Variants in DENND5A observed in about 807,000 individuals in gnomAD.
DENND5A encodes the protein DENN domain containing 5A.
Under a neutral mutation model 140.3 loss-of-function variants are expected in DENND5A, and 64 were observed. That is an observed-to-expected ratio of 0.46 (90% CI 0.37 to 0.56). The LOEUF (loss-of-function observed/expected upper bound fraction) is 0.56. DENND5A is among the 20% of genes least tolerant of loss of function. The pLI, the probability that DENND5A is intolerant of heterozygous loss-of-function variation, is 0.00. For synonymous variants in DENND5A, 605 were observed against 607.7 expected (o/e 1.00, Z 0.07); for missense variants, 1,292 against 1,593.8 (o/e 0.81, Z 3.22).
Position 9,165,853 on chromosome 11 carries a change from T to G in DENND5A, c.2266A>C (p.Lys756Gln). 7 of 1,614,092 alleles carry G rather than the reference T, an allele frequency of 4.3e-6. No homozygotes were observed. Among genetic ancestry groups the G allele is most frequent in the Non-Finnish European group, 5.9e-6 (7 of 1,179,960 alleles). ...CAGCTTACCTTATTGCGGCATTCCT[T>G]CAGCAGGCCCTCTACAAACTTCCAA... Reference protein sequence around the residue: ...TNWKFVEGLLKECRNKTKRML... With the variant: ...TNWKFVEGLLQECRNKTKRML... The change falls in exon 11 of 23, where the codon AAG becomes CAG. Residue 756 changes from lysine to glutamine, a missense_variant. Around this residue, in one of 4 missense-constraint regions of DENND5A, gnomAD observed 498 missense variants for 689.7 expected, o/e 0.72. Transcript: ENST00000328194.
chr11:9,228,785 T>C (rs1445685223), intron 1 of DENND5A, among the ~76,000 whole-genome samples: 1 of 151,896 alleles, frequency 6.6e-6, no homozygotes, highest in Admixed American at 6.6e-5. Context: ...ACTTAAGTAT[T>C]GCAGAATGGT....
At chr11:9,150,483 C>A (rs1248107609) in intron 14 of DENND5A, among the ~76,000 whole-genome samples, 197 bp downstream of exon 14, 1 of 152,184 alleles carries the variant, frequency 6.6e-6, no homozygotes, top group African/African-American at 2.4e-5. Flanking sequence ...TCCCTCACCT[C>A]CAAAAATGCC....
chr11:9,150,003 C>T, intron 15 of DENND5A, 78 bp downstream of exon 15: 1 of 1,534,262 alleles, frequency 6.5e-7, no homozygotes, highest in Non-Finnish European at 8.8e-7. Flanking sequence ...ACTGAATACT[C>T]CCCCTTCCCA....
intron 1 of DENND5A, among the ~76,000 whole-genome samples, chr11:9,211,661 T>C (rs1849882885): frequency 1.3e-5 from 2 of 152,038 alleles, no homozygotes. Flanking sequence ...AGGCCAGACA[T>C]GGTGGCTCAC....
intron 12 of DENND5A, among the ~76,000 whole-genome samples, chr11:9,152,773 G>A (rs1380162676): frequency 6.6e-6 from 1 of 151,956 alleles, no homozygotes; most frequent in Non-Finnish European, 1.5e-5. Context: ...GGAAGCCGAG[G>A]CGGGCAGATC....
intron 3 of DENND5A, among the ~76,000 whole-genome samples, 170 bp downstream of exon 3, chr11:9,206,503 A>G (rs1452363264): frequency 6.6e-6 from 1 of 152,202 alleles, no homozygotes; most frequent in Non-Finnish European, 1.5e-5. Context: ...ATATATTCTG[A>G]ATATTTGGTA....
chr11:9,214,236 T>C (rs543748730), intron 1 of DENND5A, among the ~76,000 whole-genome samples: 85 of 152,238 alleles, frequency 5.6e-4, no homozygotes, highest in Non-Finnish European at 5.1e-4. Flanking sequence ...CCAGGTTGTT[T>C]TGTCTTCAAC....
intron 1 of DENND5A, among the ~76,000 whole-genome samples, chr11:9,230,317 T>C (rs1361851071): frequency 7.8e-6 from 1 of 128,386 alleles, no homozygotes; most frequent in African/African-American, 3.0e-5. Context: ...CAGAGCTCAC[T>C]ACAATCTCAA....
At chr11:9,222,000 G>T (rs896187854) in intron 1 of DENND5A, among the ~76,000 whole-genome samples, 4 of 151,768 alleles carry the variant, frequency 2.6e-5, no homozygotes, top group Non-Finnish European at 5.9e-5. Context: ...CTCATGATCC[G>T]CCCACCTTGG....
chr11:9,259,646 G>A (rs1215382033), intron 1 of DENND5A, among the ~76,000 whole-genome samples: 1 of 152,068 alleles, frequency 6.6e-6, no homozygotes, highest in Admixed American at 6.6e-5. Context: ...CTGGACCCAA[G>A]CATCATCCTG....
At chr11:9,249,840 G>A (rs184639699) in intron 1 of DENND5A, among the ~76,000 whole-genome samples, 22 of 152,040 alleles carry the variant, frequency 1.4e-4, no homozygotes, top group Admixed American at 3.9e-4. Context: ...ATGAGCCACC[G>A]TGCCCGGCCT....
chr11:9,154,752 T>G (rs1405154957), intron 12 of DENND5A, among the ~76,000 whole-genome samples: 2 of 151,890 alleles, frequency 1.3e-5, no homozygotes, highest in Non-Finnish European at 2.9e-5. Context: ...CTAACAACAT[T>G]AATGAGACTT....
At chr11:9,228,000 C>G (rs1045632172) in intron 1 of DENND5A, among the ~76,000 whole-genome samples, 86 of 149,020 alleles carry the variant, frequency 5.8e-4, no homozygotes, top group African/African-American at 2.1e-3. Flanking sequence ...GTAATCCCAG[C>G]TACTTGGGAG....
At chr11:9,250,335 C>T (rs1851667988) in intron 1 of DENND5A, among the ~76,000 whole-genome samples, 2 of 151,700 alleles carry the variant, frequency 1.3e-5, no homozygotes, top group South Asian at 4.2e-4. Flanking sequence ...AAAACATTTC[C>T]AGAACTGATA....
chr11:9,173,532 T>C (rs1848443369), intron 8 of DENND5A, among the ~76,000 whole-genome samples: 1 of 152,200 alleles, frequency 6.6e-6, no homozygotes, highest in African/African-American at 2.4e-5. Flanking sequence ...CTTTTTGTTG[T>C]TGTTTAGAGA....
chr11:9,169,209 G>C (rs1415792487), intron 10 of DENND5A, among the ~76,000 whole-genome samples: 1 of 152,174 alleles, frequency 6.6e-6, no homozygotes, highest in African/African-American at 2.4e-5. Context: ...CACTTTGCGG[G>C]GATGAGGCAG....
chr11:9,168,200 A>C (rs1308671823), intron 10 of DENND5A, among the ~76,000 whole-genome samples: 1 of 151,010 alleles, frequency 6.6e-6, no homozygotes, highest in Non-Finnish European at 1.5e-5. Context: ...TACAATTCCC[A>C]CATGTTGTGG....
intron 4 of DENND5A, 54 bp downstream of exon 4, chr11:9,203,606 T>C (rs1849591082): frequency 3.2e-6 from 5 of 1,548,552 alleles, no homozygotes; most frequent in South Asian, 1.3e-5. Flanking sequence ...TATCTGAACA[T>C]GGAAAGCAAA....
intron 1 of DENND5A, among the ~76,000 whole-genome samples, chr11:9,221,033 G>C (rs527870188): frequency 3.8e-4 from 58 of 151,688 alleles, no homozygotes; most frequent in African/African-American, 1.3e-3. Flanking sequence ...CGTGAGCCGA[G>C]ATGGCGCCAT....
Sources: allele counts gnomAD v4.1 joint callset (sites outside exome capture counted in the v4.1 genomes callset), GRCh38; gene constraint gnomAD v4.1.1; regional missense constraint gnomAD v4.1.1; transcripts MANE v1.5; gene names NCBI Gene and HGNC (gene_info 2026-07-23, HGNC 2026-07-21).